The following PTK7 variants were observed in gnomAD, a reference collection of about 807,000 sequenced individuals.
PTK7 encodes the protein protein tyrosine kinase 7 (inactive), also known as inactive tyrosine-protein kinase 7.
In PTK7, 39 loss-of-function variants were observed where a neutral mutation model predicts 116.6. The ratio of observed to expected loss-of-function variants is 0.33; its 90% CI spans 0.26 to 0.44. The LOEUF is 0.44. Among genes scored for constraint, PTK7 ranks in the 20% least tolerant of loss-of-function variants. The pLI is 1.00. For missense variants in PTK7, 1,169 were observed against 1,425.6 expected, an observed-to-expected ratio of 0.82 and a Z score of 2.90; for synonymous variants, 546 against 563.6, an observed-to-expected ratio of 0.97 and a Z score of 0.44.
At position 43,076,751 on chromosome 6, in the gene PTK7, G is replaced by A; in HGVS notation, c.79+184G>A. ...GCCCGGGTGTCGGGAGGCTGGCGAAGCCTCCAGGGACGCGGTCAGGGTACC... is the reference window on the plus strand; with the variant it reads ...GCCCGGGTGTCGGGAGGCTGGCGAAACCTCCAGGGACGCGGTCAGGGTACC... On this transcript the variant is annotated intron_variant, in intron 1 of 19. Coordinates refer to ENST00000230419, the MANE Select transcript of PTK7 (RefSeq NM_002821.5). This position sits in a 1 kb window ranked among gnomAD's most constrained non-coding sequence, Gnocchi z 5.7. The A allele has an allele frequency of 1.4e-6, 2 of 1,389,088 alleles. No individual in the cohort carries two copies. The highest frequency in any genetic ancestry group is 1.9e-6 in the Non-Finnish European group (2 of 1,069,282). 86.0% of individuals were successfully genotyped at this position (1,389,088 alleles called of 1,614,324 possible). A position where few individuals can be genotyped will look rare whatever the true frequency, so the allele number is the denominator to read the frequency against.
intron 13 of PTK7, 129 bp downstream of exon 13, chr6:43,142,428 T>C: frequency 7.3e-7 from 1 of 1,378,480 alleles, no homozygotes; most frequent in Non-Finnish European, 1.0e-6. Flanking sequence ...GATTCGGCCG[T>C]CTCACCATGC....
In PTK7 at chr6:43,130,174, C is replaced by G. The variant is rs553435678; in HGVS notation, c.471-56C>G. 49 of 1,486,888 alleles carry G rather than the reference C, an allele frequency of 3.3e-5. No homozygotes were observed. In the East Asian group the frequency reaches 1.1e-3, roughly 33 times the overall value. The allele number at this position is 1,486,888 out of a possible 1,614,324, so 92.1% of individuals were successfully genotyped here. On this transcript the variant is annotated intron_variant, in intron 3 of 19. Transcript: ENST00000230419. ...CCCTGACCCTCTGATACTGTATCCT[C>G]TCCACTGGCCACTGAGTACCCCTCC...
chr6:43,093,796 G>C (rs111258186), intron 1 of PTK7, among the ~76,000 whole-genome samples: 6 of 152,122 alleles, frequency 3.9e-5, no homozygotes, highest in Non-Finnish European at 8.8e-5. Flanking sequence ...ACGAAGGCAG[G>C]GATTTATTGA....
chr6:43,137,303 G>A (rs566946045), intron 7 of PTK7, among the ~76,000 whole-genome samples: 4 of 152,290 alleles, frequency 2.6e-5, no homozygotes, highest in South Asian at 2.1e-4. Flanking sequence ...AGGCAGTAGC[G>A]GTGGGGGTGA....
At chr6:43,119,111 G>C (rs938421236) in intron 1 of PTK7, among the ~76,000 whole-genome samples, 4 of 152,040 alleles carry the variant, frequency 2.6e-5, no homozygotes, top group African/African-American at 9.6e-5. Flanking sequence ...GTATGGGATT[G>C]AGGCCACCTA....
chr6:43,147,138 C>G (rs1561981820), intron 17 of PTK7, among the ~76,000 whole-genome samples: 1 of 152,238 alleles, frequency 6.6e-6, no homozygotes, highest in African/African-American at 2.4e-5. Context: ...GGAGAAGACT[C>G]TTCTGTGAAT....
chr6:43,133,360 G>A (rs1769828358), intron 7 of PTK7: 1 of 152,284 alleles, frequency 6.6e-6, no homozygotes, highest in African/African-American at 2.4e-5. Context: ...GGATCACAAG[G>A]TCAGGAGTTG....
intron 17 of PTK7, among the ~76,000 whole-genome samples, chr6:43,156,460 A>G (rs751366149): frequency 1.1e-4 from 16 of 151,530 alleles, no homozygotes; most frequent in Admixed American, 2.0e-4. Flanking sequence ...AAAAATAAAA[A>G]AGGCTGGGAT....
chr6:43,142,532 G>C (rs377110915), intron 13 of PTK7: 12 of 673,960 alleles, frequency 1.8e-5, no homozygotes, highest in Middle Eastern at 2.7e-4. Flanking sequence ...GTGGGGGAGT[G>C]GGGGGGTGTT....
At chr6:43,156,455 TA>T (rs1771439353) in intron 17 of PTK7, among the ~76,000 whole-genome samples, 1 of 151,160 alleles carries the variant, frequency 6.6e-6, no homozygotes, top group East Asian at 2.0e-4. Flanking sequence ...AATACAAAAA[TA>T]AAAAAGGCTG....
Position 43,150,816 on chromosome 6 carries a change from T to C in PTK7, c.2721+4118T>C, listed in dbSNP as rs1008962530. Among the ~76,000 whole-genome samples the C allele has an allele frequency of 1.2e-3, 83 of 68,556 alleles. 1 individual carries two copies. The highest frequency in any genetic ancestry group is 1.6e-3 in the Non-Finnish European group (58 of 35,304). 45.0% of individuals were successfully genotyped at this position (68,556 alleles called of 152,430 possible). A position where few individuals can be genotyped will look rare whatever the true frequency, so the allele number is the denominator to read the frequency against. On this transcript the variant is annotated intron_variant, in intron 17 of 19. Coordinates refer to ENST00000230419, the MANE Select transcript of PTK7 (RefSeq NM_002821.5). ...TTTTTTTTTTTTTTTTTTTTTTTTTTCCCGAGACAGAGTCTCGCTCTGTCT... is the reference window on the plus strand; with the variant it reads ...TTTTTTTTTTTTTTTTTTTTTTTTTCCCCGAGACAGAGTCTCGCTCTGTCT...
rs1465704606 is a variant in PTK7 at position 43,142,256 on chromosome 6, C to T, written c.2004C>T (p.Asn668=). ...GCCGCTACACCTGCATTGCAGGCAA[C>T]AGCTGCAACATCAAGCACACGGAGG... The part of the protein sequence containing the change: ...DSGRYTCIAG[N]SCNIKHTEAP... The change falls in exon 13 of 20, where the codon AAC becomes AAT. Residue 668 remains asparagine (N), a synonymous_variant. Transcript: ENST00000230419. 1.2e-6 allele frequency: 2 copies of T among 1,614,050 alleles called. No homozygotes were observed. Among genetic ancestry groups the T allele is most frequent in the Non-Finnish European group, 1.7e-6 (2 of 1,180,040 alleles).
At chr6:43,093,183 CTTTTTTTTTTTT>C (rs72414606) in intron 1 of PTK7, among the ~76,000 whole-genome samples, 4 of 84,772 alleles carry the variant, frequency 4.7e-5, no homozygotes, top group Non-Finnish European at 8.7e-5. Context: ...ATAGGATCTC[CTTTTTTTTTTTT>C]TTTTTTTTTT....
chr6:43,130,549 G>C lies in PTK7; in HGVS notation c.700G>C (p.Val234Leu), dbSNP rs374349405. Residue 234 changes from valine (V) to leucine (L), a missense_variant, in exon 5 of 20, where the codon GTG (valine) becomes CTG (leucine). Around this residue, in one of 3 missense-constraint regions of PTK7, gnomAD observed 487 missense variants for 549.8 expected, o/e 0.89. Transcript: ENST00000230419. ...CAGGGTGGTGCTGGCACCCCAGGAC[G>C]TGGTAGTAGCGAGGTATGAGGAGGC... ...FARVVLAPQD[V>L]VVARYEEAMF... is the part of the protein sequence containing the mutation. 1.2e-6 allele frequency: 2 copies of C among 1,613,976 alleles called. No individual in the cohort carries two copies. Among genetic ancestry groups the C allele is most frequent in the African/African-American group, 2.7e-5 (2 of 74,904 alleles).
intron 17 of PTK7, among the ~76,000 whole-genome samples, chr6:43,155,804 T>C (rs1425287445): frequency 1.3e-5 from 2 of 152,234 alleles, no homozygotes; most frequent in Admixed American, 6.5e-5. Flanking sequence ...TTTGTATAGC[T>C]AGAGATATTC....
Position 43,129,751 on chromosome 6 carries a change from T to C in PTK7, c.392T>C (p.Leu131Pro). ...GGGATTGAGGCAGGTCCTGTGGTCC[T>C]GAAGCATCCAGCCTCGGAAGCTGAG... ...IKWIEAGPVV[L>P]KHPASEAEIQ... is the part of the protein sequence containing the mutation. The change falls in exon 3 of 20, where the codon CTG becomes CCG. Residue 131 changes from leucine to proline, a missense_variant. Transcript: ENST00000230419. The surrounding 1 kb of genome is among the most constrained non-coding windows in gnomAD (Gnocchi z 4.5). The C allele has an allele frequency of 6.2e-7, 1 of 1,614,164 alleles. No individual in the cohort carries two copies. The highest frequency in any genetic ancestry group is 8.5e-7 in the Non-Finnish European group (1 of 1,180,022).
chr6:43,081,183 C>G (rs1422713985), intron 1 of PTK7, among the ~76,000 whole-genome samples: 1 of 152,172 alleles, frequency 6.6e-6, no homozygotes, highest in Non-Finnish European at 1.5e-5. Context: ...TCCTGTCTCT[C>G]TGTTGCCCAG....
intron 1 of PTK7, among the ~76,000 whole-genome samples, chr6:43,080,049 CAAAAAA>C (rs1173188904): frequency 2.3e-4 from 13 of 56,838 alleles, no homozygotes; most frequent in African/African-American, 7.4e-4. Context: ...TGACAGAGTT[CAAAAAA>C]AAAAAAAAAA....
intron 1 of PTK7, among the ~76,000 whole-genome samples, chr6:43,079,500 C>CA (rs987116244): frequency 0.035 from 3,634 of 104,894 alleles, 53 homozygotes; most frequent in Non-Finnish European, 0.04. Context: ...GACTCCGTCT[C>CA]AAAAAAAAAA....
Sources: gnomAD v4.1 joint callset for allele counts (sites outside exome capture counted in the v4.1 genomes callset) on GRCh38, gnomAD v4.1.1 for gene constraint, gnomAD v4.1.1 regional missense constraint, Gnocchi (gnomAD v3.1) non-coding constraint, MANE v1.5 for transcripts, NCBI Gene and HGNC (gene_info 2026-07-23, HGNC 2026-07-21) for gene names.